Variants in TOGARAM1 observed in about 807,000 individuals in gnomAD.
TOGARAM1 encodes the protein TOG array regulator of axonemal microtubules 1.
Under a neutral mutation model 166.6 loss-of-function variants are expected in TOGARAM1, and 100 were observed. That is an observed-to-expected ratio of 0.60 (90% confidence interval 0.51 to 0.71). The LOEUF (loss-of-function observed/expected upper bound fraction) is 0.71. Among genes scored for constraint, TOGARAM1 ranks in the 30% least tolerant of loss-of-function variants. The pLI is 0.00. For synonymous variants in TOGARAM1, 758 were observed against 763.8 expected, an observed-to-expected ratio of 0.99 and a Z score of 0.13; for missense variants, 2,029 against 2,102.7, an observed-to-expected ratio of 0.96 and a Z score of 0.69.
chr14:44,962,330 G>C lies in TOGARAM1; in HGVS notation c.-92G>C. 5 of 1,416,668 alleles carry C rather than the reference G, an allele frequency of 3.5e-6. No homozygotes were observed. The highest frequency in any genetic ancestry group is 4.6e-6 in the Non-Finnish European group (5 of 1,076,192). 87.8% of individuals were successfully genotyped at this position (1,416,668 alleles called of 1,614,324 possible). A position where few individuals can be genotyped will look rare whatever the true frequency, so the allele number is the denominator to read the frequency against. Reference sequence around the variant, plus strand: ...TGTTCTTTTGCCTCTTCTGCAGCTTGGGGCTTGGAGAGGATCTGGAAGTCT... The same window carrying C: ...TGTTCTTTTGCCTCTTCTGCAGCTTCGGGCTTGGAGAGGATCTGGAAGTCT... On this transcript the variant is annotated 5_prime_UTR_variant, in exon 1 of 20. Transcript: ENST00000361462.
intron 1 of TOGARAM1, among the ~76,000 whole-genome samples, chr14:44,977,989 G>A (rs1012024614): frequency 2.7e-4 from 41 of 152,274 alleles, no homozygotes; most frequent in African/African-American, 9.6e-4. Flanking sequence ...CACCACGTGA[G>A]CTGATTTAAG....
chr14:44,995,706 A>G, intron 1 of TOGARAM1, 40 bp from the exon 2 acceptor site: 1 of 1,412,090 alleles, frequency 7.1e-7, no homozygotes, highest in Non-Finnish European at 9.5e-7. Context: ...ACCAGGAAGA[A>G]TTAACACAAA....
chr14:45,026,709 C>A (rs958631129), intron 8 of TOGARAM1, among the ~76,000 whole-genome samples: 1 of 151,982 alleles, frequency 6.6e-6, no homozygotes, highest in African/African-American at 2.4e-5. Context: ...ATCTTAAACA[C>A]CCAGCTCTGC....
chr14:45,053,893 ATTT>A (rs1882503506), intron 15 of TOGARAM1, among the ~76,000 whole-genome samples: 1 of 151,826 alleles, frequency 6.6e-6, no homozygotes, highest in Non-Finnish European at 1.5e-5. Context: ...TATTATTATT[ATTT>A]TGAAACAGAG....
At position 45,044,767 on chromosome 14, in the gene TOGARAM1, T is replaced by C. The variant is rs145962327; in HGVS notation, c.4051T>C (p.Ser1351Pro). ...AGTTTTGTTGCACAAGGCTGGTGAA[T>C]CAAATACATTTATAAGAGAAGATGT... ...VKVLLHKAGE[S>P]NTFIREDVDK... The change falls in exon 13 of 20, where the codon TCA (serine) becomes CCA (proline). Residue 1351 changes from serine to proline, a missense_variant. Ser to Pro is a moderately conservative substitution (Grantham distance 74). This residue lies in a region of TOGARAM1 where 576 missense variants were observed against 670.5 expected (regional missense o/e 0.86). Transcript: ENST00000361462. The C allele has an allele frequency of 5.4e-5, 87 of 1,614,024 alleles. No individual in the cohort carries two copies. The African/African-American group carries it at 1.0e-3, about 19-fold the overall frequency.
rs1186838080 is a variant in TOGARAM1 at position 44,964,045 on chromosome 14, G to C, written c.1624G>C (p.Gly542Arg). Residue 542 changes from glycine (G) to arginine (R), a missense_variant, in exon 1 of 20, where the codon GGC (glycine) becomes CGC (arginine). This residue lies in a region of TOGARAM1 where 1,453 missense variants were observed against 1,432.2 expected (regional missense o/e 1.01). Transcript: ENST00000361462. Reference protein sequence around the residue: ...EAFAVLASSMGSGKTSILFKA... With the variant: ...EAFAVLASSMRSGKTSILFKA... ...TTTTGCCGTATTGGCATCATCAATG[G>C]GCTCAGGTAAAACCAGCATCCTTTT... 5.0e-6 allele frequency: 8 copies of C among 1,614,112 alleles called. No homozygotes were observed. The highest frequency in any genetic ancestry group is 6.8e-6 in the Non-Finnish European group (8 of 1,179,980).
chr14:44,970,295 G>A (rs529558643), intron 1 of TOGARAM1, among the ~76,000 whole-genome samples: 19 of 152,224 alleles, frequency 1.2e-4, no homozygotes, highest in Admixed American at 7.8e-4. Context: ...ACTTCTGTAT[G>A]TTAATGTAAA....
At chr14:45,071,928 T>C (rs1883403227) in intron 19 of TOGARAM1, 130 bp downstream of exon 19, 1 of 644,062 alleles carries the variant, frequency 1.6e-6, no homozygotes, top group African/African-American at 1.9e-5. Context: ...AATTGTGTAA[T>C]GATCCACAAG....
At chr14:44,993,060 C>A (rs75810091) in intron 1 of TOGARAM1, among the ~76,000 whole-genome samples, 1 of 151,178 alleles carries the variant, frequency 6.6e-6, no homozygotes, top group Non-Finnish European at 1.5e-5. Context: ...CTTGACGGTT[C>A]GAGCTCAGCC....
chr14:45,028,488 G>A (rs1880988759), intron 10 of TOGARAM1, among the ~76,000 whole-genome samples, 159 bp downstream of exon 10: 1 of 152,264 alleles, frequency 6.6e-6, no homozygotes, highest in East Asian at 1.9e-4. Context: ...TGACCTGGAA[G>A]CAGCCCTCAG....
intron 1 of TOGARAM1, among the ~76,000 whole-genome samples, chr14:44,977,655 T>C (rs952223666): frequency 2.0e-5 from 3 of 152,140 alleles, no homozygotes; most frequent in Non-Finnish European, 4.4e-5. Context: ...ACTTCTTTTT[T>C]TGAAACAGAG....
intron 1 of TOGARAM1, among the ~76,000 whole-genome samples, chr14:44,972,289 T>A (rs548713203): frequency 6.6e-6 from 1 of 152,178 alleles, no homozygotes; most frequent in South Asian, 2.1e-4. Context: ...TTTTTTGCGA[T>A]AGAACGTGGT....
Position 45,074,119 on chromosome 14 carries a change from AT to A in TOGARAM1, c.*559del, listed in dbSNP as rs1883501909. ...ATTTGCTTACCTTTTGGGTTCAATT[AT>A]CTACATAATTGTGAAATTTAACAAG... On this transcript the variant is annotated 3_prime_UTR_variant, in exon 20 of 20. Transcript: ENST00000361462. 6.5e-6 allele frequency: 1 copy of A among 152,672 alleles called. No homozygotes were observed. The highest frequency in any genetic ancestry group is 2.1e-4 in the South Asian group (1 of 4,838). The allele number at this position is 152,672 out of a possible 1,614,324, so 9.5% of individuals were successfully genotyped here.
At chr14:45,033,305 T>C (rs1048371619) in intron 11 of TOGARAM1, among the ~76,000 whole-genome samples, 2 of 152,006 alleles carry the variant, frequency 1.3e-5, no homozygotes, top group African/African-American at 2.4e-5. Flanking sequence ...ACTGGCATTC[T>C]CTTTCTACAT....
chr14:45,040,679 A>G (rs984663047), intron 11 of TOGARAM1, among the ~76,000 whole-genome samples: 2 of 151,728 alleles, frequency 1.3e-5, no homozygotes, highest in African/African-American at 4.8e-5. Flanking sequence ...CCAAAATTCA[A>G]CAACTTAGGT....
chr14:45,023,992 C>T (rs541876770), intron 7 of TOGARAM1, among the ~76,000 whole-genome samples: 8 of 152,318 alleles, frequency 5.3e-5, no homozygotes, highest in Admixed American at 2.0e-4. Flanking sequence ...CTGCCCACCT[C>T]GGCCCCACAA....
intron 11 of TOGARAM1, among the ~76,000 whole-genome samples, chr14:45,038,017 C>CA (rs955719032): frequency 8.1e-5 from 12 of 148,718 alleles, no homozygotes; most frequent in East Asian, 5.9e-4. Flanking sequence ...GACTCCATCT[C>CA]AAAAAAAAAG....
At chr14:45,055,424 G>A (rs577166768) in intron 16 of TOGARAM1, among the ~76,000 whole-genome samples, 1 of 152,228 alleles carries the variant, frequency 6.6e-6, no homozygotes, top group South Asian at 2.1e-4. Flanking sequence ...TTTTAGACCA[G>A]TACCATGTTG....
At chr14:44,967,095 A>G (rs1050723749) in intron 1 of TOGARAM1, among the ~76,000 whole-genome samples, 1 of 152,166 alleles carries the variant, frequency 6.6e-6, no homozygotes, top group Non-Finnish European at 1.5e-5. Context: ...GTATTTGAAA[A>G]CAAAAGTCTG....
Sources: gnomAD v4.1 joint callset for allele counts (sites outside exome capture counted in the v4.1 genomes callset) on GRCh38, gnomAD v4.1.1 for gene constraint, gnomAD v4.1.1 regional missense constraint, MANE v1.5 for transcripts, NCBI Gene and HGNC (gene_info 2026-07-23, HGNC 2026-07-21) for gene names.